CAST: variants seen among roughly 807,000 people sequenced by gnomAD.
CAST encodes the protein MIR583 host.
CAST carries 76 observed loss-of-function variants against 119.6 expected under a neutral mutation model. That is an observed-to-expected ratio of 0.64 (90% CI 0.53 to 0.77). CAST has a LOEUF of 0.77. Among genes scored for constraint, CAST ranks in the 30% least tolerant of loss-of-function variants. CAST has a pLI of 0.00. For missense variants in CAST, 953 were observed against 946.5 expected (o/e 1.01, Z -0.09); for synonymous variants, 319 against 331.6 (o/e 0.96, Z 0.41).
upstream of CAST, among the ~76,000 whole-genome samples, chr5:96,522,057 A>T (rs1745526091): frequency 6.6e-6 from 1 of 152,078 alleles, no homozygotes. Flanking sequence ...TGGAGCTTGC[A>T]GCGAGCCGAG....
upstream of CAST, among the ~76,000 whole-genome samples, chr5:96,525,615 A>T (rs1403429035): frequency 6.6e-6 from 1 of 152,164 alleles, no homozygotes; most frequent in African/African-American, 2.4e-5. Flanking sequence ...CTATATGTTA[A>T]ATACTTTTAG....
At chr5:96,397,895 T>G in the CAST span, among the ~76,000 whole-genome samples, 1 of 151,950 alleles carries the variant, frequency 6.6e-6, no homozygotes, top group Non-Finnish European at 1.5e-5. Context: ...TCCATAATGA[T>G]TTAAACATAA....
the CAST span, among the ~76,000 whole-genome samples, chr5:96,195,704 C>A: frequency 6.6e-6 from 1 of 152,090 alleles, no homozygotes; most frequent in Non-Finnish European, 1.5e-5. Flanking sequence ...AGGAATTAGA[C>A]CCACATAATG....
At chr5:96,662,322 T>TACCAA, upstream of CAST, 1 of 567,038 alleles carries the variant, frequency 1.8e-6, no homozygotes, top group Non-Finnish European at 2.5e-6. Context: ...GGCCCTCCGC[T>TACCAA]CCCTCCCTCC....
At chr5:96,594,601 A>G (rs1747021112) in intron 1 of CAST, among the ~76,000 whole-genome samples, 3 of 152,246 alleles carry the variant, frequency 2.0e-5, no homozygotes, top group African/African-American at 7.2e-5. Flanking sequence ...ATTAAAAAAT[A>G]CCATGCCAAG....
At chr5:96,352,677 A>G in the CAST span, among the ~76,000 whole-genome samples, 2 of 152,178 alleles carry the variant, frequency 1.3e-5, no homozygotes, top group African/African-American at 4.8e-5. Flanking sequence ...CTGGACAGGT[A>G]TGCAGTTAAT....
At chr5:96,578,694 C>T (rs1222172425) in intron 1 of CAST, among the ~76,000 whole-genome samples, 1 of 152,106 alleles carries the variant, frequency 6.6e-6, no homozygotes, top group Non-Finnish European at 1.5e-5. Context: ...ACACCTGACT[C>T]ATCTCAGTGT....
chr5:96,758,109 T>A (rs776527788), intron 24 of CAST, among the ~76,000 whole-genome samples: 3 of 152,142 alleles, frequency 2.0e-5, no homozygotes, highest in Non-Finnish European at 4.4e-5. Flanking sequence ...ATTAAAAATG[T>A]GTTGCACCAT....
chr5:96,362,836 T>G, the CAST span, among the ~76,000 whole-genome samples: 1,068 of 152,202 alleles, frequency 7.0e-3, 17 homozygotes, highest in African/African-American at 0.024. Flanking sequence ...CTCTTTAGTT[T>G]AATTAGATCC....
At chr5:96,140,252 G>C in the CAST span, among the ~76,000 whole-genome samples, 2,388 of 152,318 alleles carry the variant, frequency 0.016, 50 homozygotes, top group African/African-American at 0.054. Flanking sequence ...CAAGTATTTG[G>C]AAAGTAATAT....
chr5:95,974,045 A>C, the CAST span, among the ~76,000 whole-genome samples: 11,668 of 152,000 alleles, frequency 0.077, 993 homozygotes, highest in African/African-American at 0.21. Flanking sequence ...ACTCACCCAC[A>C]CAAACCAAAA....
the CAST span, among the ~76,000 whole-genome samples, chr5:96,299,308 T>C: frequency 6.6e-6 from 1 of 151,390 alleles, no homozygotes; most frequent in African/African-American, 2.4e-5. Context: ...ACAAAAAACA[T>C]GTAATTGATT....
the CAST span, among the ~76,000 whole-genome samples, chr5:96,171,149 C>T: frequency 1.3e-5 from 2 of 152,152 alleles, no homozygotes; most frequent in South Asian, 2.1e-4. Context: ...ACGTCAGGCA[C>T]CTTAGCCCGT....
At chr5:96,520,802 A>G (rs768407328), upstream of CAST, among the ~76,000 whole-genome samples, 1 of 152,174 alleles carries the variant, frequency 6.6e-6, no homozygotes, top group Non-Finnish European at 1.5e-5. Context: ...CCTACTGTGC[A>G]TGACAGAATC....
the CAST span, among the ~76,000 whole-genome samples, chr5:96,127,134 T>G: frequency 6.6e-6 from 1 of 152,120 alleles, no homozygotes; most frequent in Non-Finnish European, 1.5e-5. Flanking sequence ...CAGATCAAGG[T>G]GAGCGTAATA....
the CAST span, among the ~76,000 whole-genome samples, chr5:96,284,979 C>T: frequency 6.6e-6 from 1 of 152,196 alleles, no homozygotes; most frequent in African/African-American, 2.4e-5. Flanking sequence ...TCTATTAGCC[C>T]TAACCTTTCT....
Position 96,731,162 on chromosome 5 carries a change from A to G in CAST, c.630+302A>G, listed in dbSNP as rs528892911. 1.3e-4 allele frequency among the ~76,000 whole-genome samples: 20 copies of G among 152,366 alleles called. No individual in the cohort carries two copies. The East Asian group carries it at 2.3e-3, about 18-fold the overall frequency. On this transcript the variant is annotated intron_variant, in intron 9 of 31. Coordinates refer to ENST00000675179, the MANE Select transcript of CAST (RefSeq NM_001750.7). ...TCCCTTCCAAATGTATAGATATGAA[A>G]TAAAGCAAATACAATTTCCAGGAGC... is the stretch of plus-strand genomic sequence containing the variant.
intron 1 of CAST, among the ~76,000 whole-genome samples, chr5:96,567,731 T>C (rs1413510968): frequency 6.6e-6 from 1 of 152,206 alleles, no homozygotes; most frequent in African/African-American, 2.4e-5. Context: ...AGTCACGTAT[T>C]AATTCAGTAA....
At chr5:96,750,553 T>C in intron 19 of CAST, 34 bp from the exon 20 acceptor site, 1 of 1,397,022 alleles carries the variant, frequency 7.2e-7, no homozygotes, top group Non-Finnish European at 1.0e-6. Context: ...CAAATATTTC[T>C]AAACTTATTG....
Sources: allele counts gnomAD v4.1 joint callset (sites outside exome capture counted in the v4.1 genomes callset), GRCh38; gene constraint gnomAD v4.1.1; transcripts MANE v1.5; gene names NCBI Gene and HGNC (gene_info 2026-07-23, HGNC 2026-07-21).